The following STON1 variants were observed in gnomAD, a reference collection of about 807,000 sequenced individuals.
STON1 encodes stonin-1.
In STON1, 79 loss-of-function variants were observed where a neutral mutation model predicts 60.9. That is an observed-to-expected ratio of 1.30 (90% confidence interval 1.08 to 1.56). STON1 has a LOEUF of 1.56. Among genes scored for constraint, STON1 ranks in the 40% most tolerant of loss-of-function variants. STON1 has a pLI of 0.00. For synonymous variants in STON1, 363 were observed against 306.9 expected, an observed-to-expected ratio of 1.18 and a Z score of -1.91; for missense variants, 1,166 against 858.9, an observed-to-expected ratio of 1.36 and a Z score of -4.47.
intron 1 of STON1, among the ~76,000 whole-genome samples, chr2:48,561,181 G>A (rs1487377189): frequency 6.6e-6 from 1 of 152,252 alleles, no homozygotes; most frequent in Admixed American, 6.5e-5. Context: ...CATGAATGAG[G>A]CTTCCATGTG....
chr2:48,543,719 AT>A (rs775637275), intron 1 of STON1, among the ~76,000 whole-genome samples: 12 of 151,728 alleles, frequency 7.9e-5, no homozygotes, highest in Non-Finnish European at 1.6e-4. Context: ...TTTAGTAGAG[AT>A]GGGGTTTCTC....
Position 48,580,747 on chromosome 2 carries a change from T to C in STON1, c.114T>C (p.Asn38=), listed in dbSNP as rs1673827769. The change falls in exon 2 of 4, where the codon AAT becomes AAC. Residue 38 remains asparagine (N), a synonymous_variant. Transcript: ENST00000404752. ...AGAATCAAGGTGTCTGTAGACCAAA[T>C]GGACTGAAGCTGAACCTTCCTGGCC... ...PLENQGVCRP[N]GLKLNLPGLR... 1.3e-6 allele frequency: 2 copies of C among 1,546,648 alleles called. No homozygotes were observed. The highest frequency in any genetic ancestry group is 1.7e-6 in the Non-Finnish European group (2 of 1,147,394).
chr2:48,570,733 C>G (rs937808368), intron 1 of STON1, among the ~76,000 whole-genome samples: 2 of 152,038 alleles, frequency 1.3e-5, no homozygotes, highest in Admixed American at 6.6e-5. Context: ...CAAACACTTT[C>G]CTAGAAACCT....
chr2:48,564,583 TCC>T (rs1558605913), intron 1 of STON1, among the ~76,000 whole-genome samples: 1,360 of 64,804 alleles, frequency 0.021, 346 homozygotes, highest in Middle Eastern at 0.026. Flanking sequence ...CTCCTTCTCC[TCC>T]TCCTCCTCCT....
At chr2:48,546,156 T>G (rs4952917) in intron 1 of STON1, among the ~76,000 whole-genome samples, 23,583 of 151,164 alleles carry the variant, frequency 0.16, 2,599 homozygotes, top group East Asian at 0.5. Flanking sequence ...CCTTCACTCT[T>G]TCTAAAATTC....
chr2:48,543,687 A>G (rs985758139), intron 1 of STON1, among the ~76,000 whole-genome samples: 12 of 151,722 alleles, frequency 7.9e-5, no homozygotes, highest in African/African-American at 2.9e-4. Flanking sequence ...ATACACCACC[A>G]TGCCTAGCTA....
chr2:48,553,424 T>A (rs1672183822), intron 1 of STON1, among the ~76,000 whole-genome samples: 1 of 146,924 alleles, frequency 6.8e-6, no homozygotes, highest in South Asian at 2.3e-4. Flanking sequence ...CCGCTCTTCC[T>A]CCTCCCTTTC....
intron 1 of STON1, among the ~76,000 whole-genome samples, chr2:48,572,713 T>G (rs761780768): frequency 1.3e-5 from 2 of 152,240 alleles, no homozygotes; most frequent in Non-Finnish European, 2.9e-5. Context: ...CTTTTCTTTT[T>G]AATAAACCCA....
At chr2:48,592,564 T>A (rs1212518186) in intron 3 of STON1, among the ~76,000 whole-genome samples, 1 of 150,610 alleles carries the variant, frequency 6.6e-6, no homozygotes, top group East Asian at 1.9e-4. Context: ...CTCAAGTAAC[T>A]GGGATTACAG....
At position 48,581,734 on chromosome 2, in the gene STON1, T is replaced by C; in HGVS notation, c.1101T>C (p.Val367=). Residue 367 remains valine, a synonymous_variant, in exon 2 of 4, where the codon GTT becomes GTC. Transcript: ENST00000404752. The part of the protein sequence containing the change: ...KRKYHSKTEV[V]HEPDIEQMLK... ...AATACCATTCTAAGACAGAAGTAGT[T>C]CATGAACCTGACATAGAGCAGATGC... is the stretch of plus-strand genomic sequence containing the variant. The C allele has an allele frequency of 1.2e-6, 2 of 1,611,812 alleles. No individual in the cohort carries two copies. The highest frequency in any genetic ancestry group is 1.7e-6 in the Non-Finnish European group (2 of 1,179,484).
At chr2:48,532,735 G>T (rs1186782794) in intron 1 of STON1, among the ~76,000 whole-genome samples, 1 of 152,124 alleles carries the variant, frequency 6.6e-6, no homozygotes, top group Non-Finnish European at 1.5e-5. Context: ...TGTAATGAAG[G>T]CCACGGGGGC....
intron 1 of STON1, among the ~76,000 whole-genome samples, chr2:48,574,376 G>GA (rs60372420): frequency 2.3e-3 from 298 of 128,760 alleles, no homozygotes; most frequent in African/African-American, 3.7e-3. Context: ...ACTCCATCTC[G>GA]AAAAAAAAAA....
In STON1 at chr2:48,581,973, T is replaced by G. The variant is rs1673913525; in HGVS notation, c.1340T>G (p.Phe447Cys). The change falls in exon 2 of 4, where the codon TTT becomes TGT. Residue 447 changes from phenylalanine (F) to cysteine (C), a missense_variant. Phe to Cys is a radical substitution (Grantham distance 205). Transcript: ENST00000404752. ...ATAACTCAAATTTATTGCCTCTGCT[T>G]TGTGAATGGGAACCTGGAATGCTTT... ...AVITQIYCLC[F>C]VNGNLECFLT... 1 of 1,614,052 alleles carries G rather than the reference T, an allele frequency of 6.2e-7. No homozygotes were observed. Among genetic ancestry groups the G allele is most frequent in the Non-Finnish European group, 8.5e-7 (1 of 1,180,022 alleles).
chr2:48,578,576 C>T (rs377325528), intron 1 of STON1, among the ~76,000 whole-genome samples: 306 of 77,122 alleles, frequency 4.0e-3, no homozygotes, highest in Non-Finnish European at 7.0e-3. Context: ...TCCTCCTCCT[C>T]CTTCCTTTTT....
intron 3 of STON1, among the ~76,000 whole-genome samples, chr2:48,593,852 G>C (rs550679046): frequency 2.0e-4 from 31 of 152,294 alleles, no homozygotes; most frequent in Non-Finnish European, 3.4e-4. Context: ...ACTGATAAAA[G>C]TAATGATAGG....
intron 1 of STON1, among the ~76,000 whole-genome samples, chr2:48,574,921 G>A (rs542625403): frequency 6.6e-6 from 1 of 152,134 alleles, no homozygotes; most frequent in African/African-American, 2.4e-5. Flanking sequence ...TGTTAAAAAC[G>A]GTGTTATGAA....
At chr2:48,595,128 G>A in intron 3 of STON1, 100 bp from the exon 4 acceptor site, 1 of 916,040 alleles carries the variant, frequency 1.1e-6, no homozygotes, top group South Asian at 1.4e-5. Context: ...AAAGGGTGAG[G>A]TTTGTGCAGT....
At chr2:48,562,747 G>T (rs1308800111) in intron 1 of STON1, among the ~76,000 whole-genome samples, 1 of 152,176 alleles carries the variant, frequency 6.6e-6, no homozygotes, top group Non-Finnish European at 1.5e-5. Context: ...TTTAATTGTG[G>T]CTCAGAAGTT....
chr2:48,571,620 CT>C, intron 1 of STON1, among the ~76,000 whole-genome samples: 1 of 152,192 alleles, frequency 6.6e-6, no homozygotes, highest in African/African-American at 2.4e-5. Flanking sequence ...TGCATCTAAA[CT>C]TCTCTTAGCC....
Sources: allele counts gnomAD v4.1 joint callset (sites outside exome capture counted in the v4.1 genomes callset), GRCh38; gene constraint gnomAD v4.1.1; transcripts MANE v1.5; gene names NCBI Gene and HGNC (gene_info 2026-07-23, HGNC 2026-07-21).